Variants in PLAC1 observed in about 807,000 individuals in gnomAD.
PLAC1 encodes placenta associated 1.
For missense variants in PLAC1, 136 were observed against 163.2 expected, an observed-to-expected ratio of 0.83 and a Z score of 0.91; for synonymous variants, 68 against 62.1, an observed-to-expected ratio of 1.09 and a Z score of -0.44.
intron 2 of PLAC1, among the ~76,000 whole-genome samples, chrX:134,599,303 C>T (rs962201176): frequency 5.4e-5 from 6 of 111,063 alleles, no homozygotes; most frequent in African/African-American, 2.0e-4. Context: ...CTCCAAGTGT[C>T]GTGGGAGGGA....
In PLAC1 at chrX:134,755,856, CTTTTTTTTTTTT is replaced by C. The variant is rs776901556; in HGVS notation, n.89+8366_89+8377del. 4.4e-4 allele frequency among the ~76,000 whole-genome samples: 20 copies of C among 45,526 alleles called. 1 individual carries two copies. The South Asian group carries it at 0.026, about 60-fold the overall frequency. 39.5% of individuals were successfully genotyped at this position (45,526 alleles called of 115,157 possible). A position where few individuals can be genotyped will look rare whatever the true frequency, so the allele number is the denominator to read the frequency against. ...CTTTCTTTTCTTTTTCCTTTTCTTT[CTTTTTTTTTTTT>C]TTTTTTTTTTTTGAGATGGATTCTT... is the stretch of plus-strand genomic sequence containing the variant. On this transcript the variant is annotated intron_variant and non_coding_transcript_variant, in intron 1 of 2. Coordinates refer to the PLAC1 transcript ENST00000466797.
chrX:134,628,899 G>A (rs2078247844), intron 1 of PLAC1, among the ~76,000 whole-genome samples: 1 of 111,408 alleles, frequency 9.0e-6, no homozygotes. Context: ...ATGGAGTACT[G>A]ATGGCAGACT....
chrX:134,605,172 G>C (rs2078116470), intron 1 of PLAC1, among the ~76,000 whole-genome samples: 1 of 112,063 alleles, frequency 8.9e-6, no homozygotes, highest in Non-Finnish European at 1.9e-5. Flanking sequence ...CTTCACAACA[G>C]CTGGCCCAGG....
At chrX:134,704,673 T>G (rs912570343) in intron 2 of PLAC1, among the ~76,000 whole-genome samples, 173 of 104,809 alleles carry the variant, frequency 1.7e-3, no homozygotes, top group Non-Finnish European at 3.0e-3. Context: ...ATATGAAATA[T>G]AATATAAAGT....
intron 1 of PLAC1, among the ~76,000 whole-genome samples, chrX:134,739,065 G>A (rs150830615): frequency 0.022 from 2,438 of 111,855 alleles, 68 homozygotes; most frequent in African/African-American, 0.074. Flanking sequence ...ACTCCTTATC[G>A]ACAAGAGATG....
intron 2 of PLAC1, among the ~76,000 whole-genome samples, chrX:134,732,004 A>G (rs769788043): frequency 8.9e-6 from 1 of 111,812 alleles, no homozygotes; most frequent in Non-Finnish European, 1.9e-5. Flanking sequence ...CCAGGATCTT[A>G]CCAATGAACT....
intron 2 of PLAC1, among the ~76,000 whole-genome samples, chrX:134,594,089 C>T (rs1291020368): frequency 9.0e-6 from 1 of 111,098 alleles, no homozygotes; most frequent in Admixed American, 9.6e-5. Flanking sequence ...TCTCTATTCC[C>T]TGTTTGCTGA....
At chrX:134,733,803 G>A (rs1376748467) in intron 1 of PLAC1, among the ~76,000 whole-genome samples, 1 of 110,870 alleles carries the variant, frequency 9.0e-6, no homozygotes, top group Non-Finnish European at 1.9e-5. Flanking sequence ...TGGGAGCAGT[G>A]AGAGGTGAGA....
chrX:134,713,639 A>T (rs1180773239), intron 2 of PLAC1, among the ~76,000 whole-genome samples: 1 of 112,224 alleles, frequency 8.9e-6, no homozygotes, highest in Non-Finnish European at 1.9e-5. Context: ...TTTCTTGGTC[A>T]TAAAAGCAGT....
intron 2 of PLAC1, among the ~76,000 whole-genome samples, chrX:134,722,433 G>A (rs1236643533): frequency 8.9e-6 from 1 of 112,156 alleles, no homozygotes; most frequent in Non-Finnish European, 1.9e-5. Flanking sequence ...GACACAAAAG[G>A]CCACATATTA....
intron 2 of PLAC1, among the ~76,000 whole-genome samples, chrX:134,672,791 T>C (rs2078460159): frequency 8.9e-6 from 1 of 112,918 alleles, no homozygotes; most frequent in Admixed American, 9.3e-5. Flanking sequence ...TGCCCTGTAA[T>C]AGGCAACCGG....
chrX:134,703,800 C>T (rs1348165159), intron 2 of PLAC1, among the ~76,000 whole-genome samples: 1 of 108,906 alleles, frequency 9.2e-6, no homozygotes, highest in African/African-American at 3.3e-5. Context: ...GAAAATGCCA[C>T]CAAAATGTGG....
chrX:134,619,191 T>C (rs1040672658), intron 1 of PLAC1, among the ~76,000 whole-genome samples: 6 of 112,216 alleles, frequency 5.3e-5, no homozygotes, highest in African/African-American at 1.9e-4. Context: ...TTTCTTCACC[T>C]TTTTGGGTGT....
chrX:134,622,240 T>C (rs2078214463), intron 1 of PLAC1, among the ~76,000 whole-genome samples: 1 of 112,179 alleles, frequency 8.9e-6, no homozygotes, highest in South Asian at 3.8e-4. Flanking sequence ...GCCTTGGTGC[T>C]GAGCGGGGAC....
chrX:134,709,397 G>A (rs1460370863), intron 2 of PLAC1, among the ~76,000 whole-genome samples: 2 of 111,923 alleles, frequency 1.8e-5, no homozygotes, highest in Admixed American at 9.5e-5. Flanking sequence ...AGGCCAAGGC[G>A]GGCGGATCAC....
At chrX:134,607,182 C>T (rs2078126523) in intron 1 of PLAC1, 1 of 137,711 alleles carries the variant, frequency 7.3e-6, no homozygotes, top group Non-Finnish European at 1.5e-5. Context: ...AGAAGAGGCA[C>T]CCAATACGTG....
At chrX:134,627,775 T>C (rs1481867322) in intron 1 of PLAC1, among the ~76,000 whole-genome samples, 1 of 112,203 alleles carries the variant, frequency 8.9e-6, no homozygotes, top group Non-Finnish European at 1.9e-5. Flanking sequence ...TCCAGTTCAC[T>C]TTTTCCACCA....
At chrX:134,687,498 G>A (rs2078521228) in intron 2 of PLAC1, among the ~76,000 whole-genome samples, 1 of 109,759 alleles carries the variant, frequency 9.1e-6, no homozygotes, top group Admixed American at 9.8e-5. Flanking sequence ...CAAAAGATTG[G>A]ACACCCCTGC....
chrX:134,650,094 A>G (rs1175944440), intron 1 of PLAC1, among the ~76,000 whole-genome samples: 2 of 112,216 alleles, frequency 1.8e-5, no homozygotes, highest in East Asian at 2.8e-4. Flanking sequence ...CTCTGCCTTC[A>G]GTCTATTACC....
Sources: allele counts gnomAD v4.1 joint callset (sites outside exome capture counted in the v4.1 genomes callset), GRCh38; gene constraint gnomAD v4.1.1; transcripts MANE v1.5; gene names NCBI Gene and HGNC (gene_info 2026-07-23, HGNC 2026-07-21).